RNF180: variants seen among roughly 807,000 people sequenced by gnomAD.
RNF180 encodes the protein E3 ubiquitin-protein ligase RNF180.
RNF180 carries 38 observed loss-of-function variants against 59.2 expected under a neutral mutation model. The ratio of observed to expected loss-of-function variants is 0.64; its 90% confidence interval spans 0.50 to 0.84. RNF180 has a LOEUF of 0.84. RNF180 is among the 40% of genes least tolerant of loss of function. RNF180 has a pLI of 0.00. For synonymous variants in RNF180, 262 were observed against 240.3 expected (o/e 1.09, Z -0.84); for missense variants, 705 against 700.9 (o/e 1.01, Z -0.07).
chr5:64,297,788 GT>G (rs1178352922), intron 5 of RNF180, among the ~76,000 whole-genome samples: 1 of 152,060 alleles, frequency 6.6e-6, no homozygotes, highest in South Asian at 2.1e-4. Context: ...TCCAAACTTG[GT>G]TACTTGAAAT....
At chr5:64,351,324 A>G (rs1268427394) in intron 7 of RNF180, among the ~76,000 whole-genome samples, 3 of 152,142 alleles carry the variant, frequency 2.0e-5, no homozygotes, top group East Asian at 3.9e-4. Context: ...GGGGTTTTCT[A>G]AATATACAAT....
intron 5 of RNF180, among the ~76,000 whole-genome samples, chr5:64,292,887 C>T (rs1315397765): frequency 6.6e-6 from 1 of 152,206 alleles, no homozygotes; most frequent in Non-Finnish European, 1.5e-5. Context: ...GGGTCCCACT[C>T]AAAGAAGCGG....
chr5:64,212,343 C>A (rs1316383737), intron 3 of RNF180, among the ~76,000 whole-genome samples, 183 bp downstream of exon 3: 1 of 151,698 alleles, frequency 6.6e-6, no homozygotes, highest in South Asian at 2.1e-4. Flanking sequence ...CTGTGTTTTA[C>A]GCACACACAC....
In RNF180 at chr5:64,177,526, CATATATATATATAT is replaced by C. The variant is rs58046669; in HGVS notation, c.-1+11600_-1+11613del. 5.7e-3 allele frequency among the ~76,000 whole-genome samples: 601 copies of C among 105,234 alleles called. 8 individuals are homozygous for C. The highest frequency in any genetic ancestry group is 0.017 in the African/African-American group (542 of 32,066). The allele number at this position is 105,234 out of a possible 152,430, so 69.0% of individuals were successfully genotyped here. ...TTTTTTTCAAAGGCATAAATTATGC[CATATATATATATAT>C]ATATATATATATATATATATATATA... On this transcript the variant is annotated intron_variant, in intron 1 of 7. Transcript: ENST00000389100.
At chr5:64,259,460 G>A (rs1744183700) in intron 5 of RNF180, among the ~76,000 whole-genome samples, 2 of 152,168 alleles carry the variant, frequency 1.3e-5, no homozygotes, top group African/African-American at 4.8e-5. Context: ...GGGAAAACTA[G>A]TCAAGTATAG....
chr5:64,283,274 T>C (rs761305085), intron 5 of RNF180, among the ~76,000 whole-genome samples: 8 of 152,162 alleles, frequency 5.3e-5, no homozygotes, highest in Non-Finnish European at 1.2e-4. Context: ...TTGATTGTTG[T>C]TGGTTTAAAG....
At chr5:64,252,511 A>G (rs188013956) in intron 5 of RNF180, among the ~76,000 whole-genome samples, 4 of 152,314 alleles carry the variant, frequency 2.6e-5, no homozygotes, top group African/African-American at 7.2e-5. Context: ...ATAATTATAT[A>G]TACTACAAAT....
intron 5 of RNF180, among the ~76,000 whole-genome samples, chr5:64,239,363 C>T (rs886336143): frequency 3.3e-5 from 5 of 152,120 alleles, no homozygotes; most frequent in Admixed American, 3.3e-4. Flanking sequence ...GTTTTGTTCT[C>T]AGCTTATTTC....
At chr5:64,304,350 T>C (rs1257229761) in intron 5 of RNF180, among the ~76,000 whole-genome samples, 1 of 151,614 alleles carries the variant, frequency 6.6e-6, no homozygotes, top group Non-Finnish European at 1.5e-5. Flanking sequence ...TAGATAGTGA[T>C]GCCTGTGATG....
intron 7 of RNF180, among the ~76,000 whole-genome samples, chr5:64,363,720 A>T (rs72752864): frequency 6.4e-4 from 97 of 151,928 alleles, no homozygotes; most frequent in Admixed American, 1.8e-3. Context: ...TAGCCATCAC[A>T]TGGAATGTTT....
chr5:64,237,605 A>T (rs1423486251), intron 5 of RNF180, among the ~76,000 whole-genome samples: 3 of 152,122 alleles, frequency 2.0e-5, no homozygotes, highest in Admixed American at 2.0e-4. Context: ...TGAAAGGGAC[A>T]TGAGATTTGG....
chr5:64,271,656 A>G (rs1741406593), intron 5 of RNF180, among the ~76,000 whole-genome samples: 1 of 152,072 alleles, frequency 6.6e-6, no homozygotes, highest in African/African-American at 2.4e-5. Flanking sequence ...AGTGGATACA[A>G]TGGAGTGAAT....
At chr5:64,335,158 T>TC (rs1156253986) in intron 7 of RNF180, among the ~76,000 whole-genome samples, 1 of 152,222 alleles carries the variant, frequency 6.6e-6, no homozygotes, top group Non-Finnish European at 1.5e-5. Flanking sequence ...TTAAATTTCT[T>TC]CATCTGTGAA....
At chr5:64,275,556 A>G (rs935229817) in intron 5 of RNF180, among the ~76,000 whole-genome samples, 10 of 151,870 alleles carry the variant, frequency 6.6e-5, no homozygotes, top group Admixed American at 2.6e-4. Context: ...AGTTATTTAT[A>G]CATAATACAG....
At chr5:64,287,430 C>G (rs1742346436) in intron 5 of RNF180, among the ~76,000 whole-genome samples, 1 of 152,002 alleles carries the variant, frequency 6.6e-6, no homozygotes, top group Non-Finnish European at 1.5e-5. Context: ...TCTAGTTGAC[C>G]CACCATTGCC....
Position 64,304,257 on chromosome 5 carries a change from T to A in RNF180, c.1228-20929T>A, listed in dbSNP as rs376755828. On this transcript the variant is annotated intron_variant, in intron 5 of 7. Transcript: ENST00000389100. The stretch of plus-strand genomic sequence containing the variant: ...GTATGCCTGCTAATAAAACATACAT[T>A]CTGCAGTCCATGGATCAAGGAGTAA... Among the ~76,000 whole-genome samples the A allele has an allele frequency of 1.0e-3, 157 of 151,790 alleles. 1 individual carries two copies. The highest frequency in any genetic ancestry group is 3.8e-3 in the Admixed American group (58 of 15,188).
intron 5 of RNF180, among the ~76,000 whole-genome samples, chr5:64,293,501 T>C (rs1398518417): frequency 1.3e-5 from 2 of 152,164 alleles, no homozygotes; most frequent in Non-Finnish European, 2.9e-5. Flanking sequence ...GAGAATATTA[T>C]TTTAATTTTA....
intron 1 of RNF180, among the ~76,000 whole-genome samples, chr5:64,181,728 A>G (rs1040762612): frequency 6.6e-6 from 1 of 152,220 alleles, no homozygotes; most frequent in African/African-American, 2.4e-5. Context: ...ACGAAGAAAA[A>G]TAAAGCAGCC....
intron 7 of RNF180, among the ~76,000 whole-genome samples, chr5:64,339,115 C>T (rs1312601264): frequency 6.6e-6 from 1 of 151,370 alleles, no homozygotes; most frequent in Non-Finnish European, 1.5e-5. Context: ...TCTTTGAATT[C>T]TGATTATCTA....
Sources: allele counts gnomAD v4.1 joint callset (sites outside exome capture counted in the v4.1 genomes callset), GRCh38; gene constraint gnomAD v4.1.1; transcripts MANE v1.5; gene names NCBI Gene and HGNC (gene_info 2026-07-23, HGNC 2026-07-21).